The following ASZ1 variants were observed in gnomAD, a reference collection of about 807,000 sequenced individuals.
ASZ1 encodes the protein ankyrin repeat, SAM and basic leucine zipper domain containing 1.
ASZ1 carries 67 observed loss-of-function variants against 61.8 expected under a neutral mutation model. That is an observed-to-expected ratio of 1.08 (90% CI 0.89 to 1.33). The LOEUF (loss-of-function observed/expected upper bound fraction) is 1.33. ASZ1 is among the 40% of genes most tolerant of loss of function. The pLI is 0.00. For missense variants in ASZ1, 577 were observed against 554.5 expected (o/e 1.04, Z -0.41); for synonymous variants, 193 against 192.7 (o/e 1.00, Z -0.01).
chr7:117,368,327 C>G, intron 11 of ASZ1: 1 of 1,047,688 alleles, frequency 9.5e-7, no homozygotes, highest in Non-Finnish European at 1.2e-6. Context: ...GGTCTCCTGT[C>G]ACTTTATATT....
At chr7:117,403,705 G>A (rs1203060276) in intron 4 of ASZ1, among the ~76,000 whole-genome samples, 1 of 152,074 alleles carries the variant, frequency 6.6e-6, no homozygotes, top group East Asian at 1.9e-4. Flanking sequence ...GAACCGATAG[G>A]TGTTACCATA....
At chr7:117,386,810 A>G (rs543009972) in intron 4 of ASZ1, among the ~76,000 whole-genome samples, 4 of 152,274 alleles carry the variant, frequency 2.6e-5, no homozygotes, top group African/African-American at 9.6e-5. Context: ...CCTTGTTAGC[A>G]CAATTCATAT....
rs779779355 is a variant in ASZ1, at chr7:117,427,432, G to C, written c.29C>G (p.Pro10Arg). MAASALRGL[P>R]VAGGGESSES... ...GCTACTCTCGCCTCCGCCAGCCACTGGCAGGCCTCGCAGCGCGCTCGCCGC... is the reference window on the plus strand; with the variant it reads ...GCTACTCTCGCCTCCGCCAGCCACTCGCAGGCCTCGCAGCGCGCTCGCCGC... Residue 10 changes from proline (P) to arginine (R), a missense_variant, in exon 1 of 13, where the codon CCA becomes CGA. Coordinates refer to ENST00000284629, the MANE Select transcript of ASZ1 (RefSeq NM_130768.3). The C allele has an allele frequency of 6.2e-7, 1 of 1,614,054 alleles. No homozygotes were observed. The highest frequency in any genetic ancestry group is 1.1e-5 in the South Asian group (1 of 91,084).
intron 4 of ASZ1, among the ~76,000 whole-genome samples, chr7:117,401,394 T>TA (rs1247224429): frequency 5.2e-4 from 74 of 142,060 alleles, no homozygotes; most frequent in East Asian, 9.1e-4. Context: ...TTTTTTTTTT[T>TA]AAAAAAAAAG....
At chr7:117,373,188 T>C (rs1796079633) in intron 10 of ASZ1, among the ~76,000 whole-genome samples, 1 of 152,150 alleles carries the variant, frequency 6.6e-6, no homozygotes, top group African/African-American at 2.4e-5. Context: ...AAATTTATTA[T>C]TTCTGTTCAA....
chr7:117,382,278 C>A (rs1211795860), intron 7 of ASZ1, 134 bp from the exon 8 acceptor site: 2 of 612,778 alleles, frequency 3.3e-6, no homozygotes, highest in Admixed American at 5.9e-5. Flanking sequence ...GCACACCAGA[C>A]CTATGCTATA....
intron 4 of ASZ1, among the ~76,000 whole-genome samples, chr7:117,406,654 G>A (rs1173712154): frequency 6.6e-6 from 1 of 152,072 alleles, no homozygotes; most frequent in African/African-American, 2.4e-5. Context: ...TTGGGAGGCT[G>A]AGGTAGGAGA....
At chr7:117,376,266 T>A (rs1311468290) in intron 10 of ASZ1, among the ~76,000 whole-genome samples, 2 of 152,096 alleles carry the variant, frequency 1.3e-5, no homozygotes, top group African/African-American at 4.8e-5. Flanking sequence ...CAGATATAAC[T>A]TGAATAATCC....
chr7:117,423,617 G>A (rs1349722825), intron 2 of ASZ1, among the ~76,000 whole-genome samples: 3 of 151,200 alleles, frequency 2.0e-5, no homozygotes, highest in Non-Finnish European at 4.4e-5. Context: ...ATGCCGAAGT[G>A]GGTGGATCAC....
Position 117,382,052 on chromosome 7 carries a change from G to T in ASZ1, c.888+17C>A, listed in dbSNP as rs765117647. 7.5e-6 allele frequency: 11 copies of T among 1,474,248 alleles called. No individual in the cohort carries two copies. The highest frequency in any genetic ancestry group is 9.5e-6 in the Non-Finnish European group (10 of 1,055,490). 91.3% of individuals were successfully genotyped at this position (1,474,248 alleles called of 1,614,324 possible). A position where few individuals can be genotyped will look rare whatever the true frequency, so the allele number is the denominator to read the frequency against. On this transcript the variant is annotated intron_variant, in intron 8 of 12. Coordinates refer to ENST00000284629, the MANE Select transcript of ASZ1 (RefSeq NM_130768.3). ...AACATATATGCATAACTCACTGTAG[G>T]TTATATAAGATCTTACCTTTAGTAA...
intron 10 of ASZ1, among the ~76,000 whole-genome samples, chr7:117,371,871 C>T (rs554313988): frequency 2.0e-5 from 3 of 151,970 alleles, no homozygotes; most frequent in East Asian, 1.9e-4. Flanking sequence ...AATATATATG[C>T]GGAATATAAA....
At chr7:117,425,352 G>A (rs1217897978) in intron 2 of ASZ1, among the ~76,000 whole-genome samples, 5 of 124,980 alleles carry the variant, frequency 4.0e-5, no homozygotes, top group Non-Finnish European at 7.9e-5. Flanking sequence ...TGCAAGCTCC[G>A]CCTCCCGGGT....
intron 10 of ASZ1, among the ~76,000 whole-genome samples, chr7:117,371,445 T>A (rs975905471): frequency 1.2e-4 from 18 of 152,270 alleles, no homozygotes; most frequent in Middle Eastern, 3.4e-3. Flanking sequence ...TGATGGTTGC[T>A]TTCAACAAGC....
intron 12 of ASZ1, among the ~76,000 whole-genome samples, chr7:117,366,647 ATATATAT>A (rs1392662539): frequency 1.3e-5 from 2 of 151,648 alleles, no homozygotes; most frequent in African/African-American, 4.8e-5. Context: ...TTAAATACAG[ATATATAT>A]TATATATTTT....
intron 10 of ASZ1, among the ~76,000 whole-genome samples, chr7:117,371,294 T>A (rs1796046960): frequency 6.6e-6 from 1 of 152,176 alleles, no homozygotes; most frequent in African/African-American, 2.4e-5. Flanking sequence ...CTGGGATGTA[T>A]ATAGTATTTT....
intron 12 of ASZ1, among the ~76,000 whole-genome samples, chr7:117,364,870 T>C (rs1437148884): frequency 6.6e-6 from 1 of 152,080 alleles, no homozygotes; most frequent in African/African-American, 2.4e-5. Flanking sequence ...ATCAATTACT[T>C]AGAATGACCC....
Position 117,385,787 on chromosome 7 carries a change from A to G in ASZ1, c.463T>C (p.Tyr155His), listed in dbSNP as rs1277979474. ...TGGGTGTGACCATCTCGAGCAGCAT[A>G]CATGATTGGGGTCATAAGTCTCCTA... ...ACRRLMTPIM[Y>H]AARDGHTQVV... The change falls in exon 5 of 13, where the codon TAT (tyrosine) becomes CAT (histidine). Residue 155 changes from tyrosine (Y) to histidine (H), a missense_variant. By Grantham distance (83) the Tyr-to-His change is moderately conservative. Transcript: ENST00000284629. 20 of 1,613,364 alleles carry G rather than the reference A, an allele frequency of 1.2e-5. No homozygotes were observed. Among genetic ancestry groups the G allele is most frequent in the Non-Finnish European group, 1.7e-5 (20 of 1,179,602 alleles).
intron 1 of ASZ1, 66 bp downstream of exon 1, chr7:117,427,290 G>C: frequency 6.5e-7 from 1 of 1,532,770 alleles, no homozygotes; most frequent in Non-Finnish European, 9.0e-7. Context: ...ACGAGGCTGG[G>C]CCTCGCCTTC....
chr7:117,379,168 T>TATATATATATACACACACACAC (rs1161457624), intron 10 of ASZ1, among the ~76,000 whole-genome samples: 16 of 69,686 alleles, frequency 2.3e-4, no homozygotes, highest in African/African-American at 8.2e-4. Flanking sequence ...TATATATATA[T>TATATATATATACACACACACAC]ACACACACAC....
Sources: allele counts gnomAD v4.1 joint callset (sites outside exome capture counted in the v4.1 genomes callset), GRCh38; gene constraint gnomAD v4.1.1; transcripts MANE v1.5; gene names NCBI Gene and HGNC (gene_info 2026-07-23, HGNC 2026-07-21).